The following SCMH1 variants were observed in gnomAD, a reference collection of about 807,000 sequenced individuals.
The protein encoded by SCMH1 is Scm polycomb group protein homolog 1, also known as polycomb protein SCMH1.
SCMH1 carries 37 observed loss-of-function variants against 70.8 expected under a neutral mutation model. The ratio of observed to expected loss-of-function variants is 0.52; its 90% CI spans 0.40 to 0.69. The LOEUF (loss-of-function observed/expected upper bound fraction) is 0.69, where lower values mean the gene tolerates loss of function less well. SCMH1 is among the 30% of genes least tolerant of loss of function. SCMH1 has a pLI of 0.00. For synonymous variants in SCMH1, 292 were observed against 307.4 expected (o/e 0.95, Z 0.52); for missense variants, 607 against 827.3 (o/e 0.73, Z 3.27).
intron 8 of SCMH1, among the ~76,000 whole-genome samples, chr1:41,081,322 G>C (rs1168306684): frequency 6.6e-6 from 1 of 152,278 alleles, no homozygotes; most frequent in East Asian, 1.9e-4. Flanking sequence ...AACTGATCTA[G>C]AGTCAATGCA....
chr1:41,059,084 C>T lies in SCMH1; in HGVS notation c.1106-10194G>A, dbSNP rs550769292. Among the ~76,000 whole-genome samples, 421 of 152,270 alleles carry T rather than the reference C, an allele frequency of 2.8e-3. 1 individual carries two copies. The highest frequency in any genetic ancestry group is 5.0e-3 in the Admixed American group (76 of 15,292). On this transcript the variant is annotated intron_variant, in intron 10 of 14. Coordinates refer to ENST00000337495, the Ensembl canonical transcript of SCMH1. ...CTTTCCTTTGGGGATCTGGCTAATG[C>T]GTAATGCTAGTAACAGCTATTCACC... is the stretch of plus-strand genomic sequence containing the variant.
intron 1 of SCMH1, among the ~76,000 whole-genome samples, chr1:41,217,825 A>G (rs1421494389): frequency 2.0e-5 from 3 of 152,240 alleles, no homozygotes; most frequent in Non-Finnish European, 2.9e-5. Context: ...GAATCAAGCC[A>G]GAGAGAATTA....
chr1:41,186,837 T>C (rs1650345141), intron 1 of SCMH1, among the ~76,000 whole-genome samples: 1 of 152,200 alleles, frequency 6.6e-6, no homozygotes, highest in South Asian at 2.1e-4. Context: ...ACCTCATCTC[T>C]AGCCTCTGCC....
At chr1:41,149,472 A>C (rs1644873201) in intron 5 of SCMH1, among the ~76,000 whole-genome samples, 1 of 152,134 alleles carries the variant, frequency 6.6e-6, no homozygotes, top group South Asian at 2.1e-4. Flanking sequence ...AGTCAGTTTC[A>C]ATCAATTATT....
chr1:41,216,720 A>G (rs1658163093), intron 1 of SCMH1, among the ~76,000 whole-genome samples: 1 of 152,238 alleles, frequency 6.6e-6, no homozygotes, highest in African/African-American at 2.4e-5. Context: ...AAATGGCAGG[A>G]AAATCTGAGG....
At chr1:41,129,802 A>G (rs1301460828) in intron 6 of SCMH1, among the ~76,000 whole-genome samples, 2 of 152,140 alleles carry the variant, frequency 1.3e-5, no homozygotes, top group Non-Finnish European at 2.9e-5. Flanking sequence ...CTTTTTAAGA[A>G]AATAGTTGGG....
chr1:41,240,698 A>C (rs1663323936), intron 1 of SCMH1, among the ~76,000 whole-genome samples: 1 of 152,134 alleles, frequency 6.6e-6, no homozygotes, highest in African/African-American at 2.4e-5. Context: ...AATTTCCACA[A>C]AATAAGATGT....
intron 1 of SCMH1, among the ~76,000 whole-genome samples, chr1:41,194,882 C>T (rs1051730865): frequency 2.6e-5 from 4 of 152,016 alleles, no homozygotes. Flanking sequence ...TGGCTCATGC[C>T]TATAATCCCA....
chr1:41,056,455 ATT>A (rs34991027), intron 10 of SCMH1, among the ~76,000 whole-genome samples: 1 of 147,480 alleles, frequency 6.8e-6, no homozygotes. Flanking sequence ...GTATACTGTC[ATT>A]TTTTTTTTTT....
rs541964431 is a variant in SCMH1 at position 41,180,885 on chromosome 1, G to A, written c.13+5236C>T. ...ATGGAACCAAAAAAGAGCCCACATT[G>A]CCAAGTCAATCCTAAGCCAAAAGAA... On this transcript the variant is annotated intron_variant, in intron 2 of 14. Coordinates refer to ENST00000337495, the Ensembl canonical transcript of SCMH1. Among the ~76,000 whole-genome samples the A allele has an allele frequency of 2.6e-4, 40 of 152,224 alleles. 1 individual carries two copies. Among genetic ancestry groups the A allele is most frequent in the Admixed American group, 5.2e-4 (8 of 15,292 alleles).
intron 4 of SCMH1, among the ~76,000 whole-genome samples, chr1:41,153,598 C>G (rs1645258859): frequency 6.6e-6 from 1 of 152,168 alleles, no homozygotes; most frequent in African/African-American, 2.4e-5. Flanking sequence ...CTAGAAACCT[C>G]AGCCCTTTTA....
chr1:41,040,960 G>A (rs1029612919), intron 12 of SCMH1, among the ~76,000 whole-genome samples: 12 of 152,116 alleles, frequency 7.9e-5, no homozygotes, highest in African/African-American at 2.9e-4. Flanking sequence ...AAAATCAATT[G>A]CCAAAGATAG....
At position 41,149,216 on chromosome 1, in the gene SCMH1, TC is replaced by T. The variant is rs549550044; in HGVS notation, c.177+2397del. 3.7e-4 allele frequency among the ~76,000 whole-genome samples: 56 copies of T among 152,328 alleles called. No individual in the cohort carries two copies. The South Asian group carries it at 6.4e-3, about 17-fold the overall frequency. On this transcript the variant is annotated intron_variant, in intron 5 of 14. Transcript: ENST00000337495. ...TGGTCACCTGAAGTTAACCCATAGT[TC>T]ACAGGTTCTAAATTCCTTTTTCTCT... is the stretch of plus-strand genomic sequence containing the variant.
intron 8 of SCMH1, among the ~76,000 whole-genome samples, chr1:41,094,699 G>T (rs1304611031): frequency 6.6e-6 from 1 of 152,000 alleles, no homozygotes; most frequent in South Asian, 2.1e-4. Context: ...GACCAGCCTG[G>T]CCAACATGAT....
At chr1:41,054,231 A>C (rs1172618026) in intron 10 of SCMH1, among the ~76,000 whole-genome samples, 1 of 152,200 alleles carries the variant, frequency 6.6e-6, no homozygotes, top group African/African-American at 2.4e-5. Context: ...GAAGTGTTGA[A>C]AGTTTGACAG....
chr1:41,097,338 C>T (rs1006358901), intron 8 of SCMH1, among the ~76,000 whole-genome samples: 6 of 152,212 alleles, frequency 3.9e-5, no homozygotes, highest in African/African-American at 1.4e-4. Flanking sequence ...GGCATCAAGT[C>T]CACGGTTTCC....
At position 41,098,118 on chromosome 1, in the gene SCMH1, T is replaced by C. The variant is rs562732892; in HGVS notation, c.745+15165A>G. 2.6e-5 allele frequency among the ~76,000 whole-genome samples: 4 copies of C among 152,360 alleles called. No individual in the cohort carries two copies. The East Asian group carries it at 7.7e-4, about 29-fold the overall frequency. On this transcript the variant is annotated intron_variant, in intron 8 of 14. Transcript: ENST00000337495. ...TTCACCTACTCAGTCTCTATTAGTA[T>C]TATTTTGAGCTTTATATATTATATA... is the stretch of plus-strand genomic sequence containing the variant.
At chr1:41,142,638 AC>A (rs1041494586) in intron 6 of SCMH1, among the ~76,000 whole-genome samples, 6 of 152,178 alleles carry the variant, frequency 3.9e-5, no homozygotes, top group African/African-American at 1.4e-4. Context: ...GCCAAGAAGA[AC>A]AAAGGGTGTG....
In SCMH1 at chr1:41,153,462, A is replaced by G. The variant is rs115848989; in HGVS notation, c.107-1778T>C. Among the ~76,000 whole-genome samples the G allele has an allele frequency of 6.1e-3, 932 of 152,360 alleles. 14 individuals are homozygous for G. The highest frequency in any genetic ancestry group is 0.021 in the African/African-American group (891 of 41,582). On this transcript the variant is annotated intron_variant, in intron 4 of 14. Transcript: ENST00000337495. ...AGCTTAAGTTCTGACTAAAAGCACC[A>G]AAGAGACTTTGGTCTTAAGAATAAT...
Sources: allele counts gnomAD v4.1 joint callset (sites outside exome capture counted in the v4.1 genomes callset), GRCh38; gene constraint gnomAD v4.1.1; transcripts MANE v1.5; gene names NCBI Gene and HGNC (gene_info 2026-07-23, HGNC 2026-07-21).